Variants in RBFOX1 observed in about 807,000 individuals in gnomAD.
The protein encoded by RBFOX1 is RNA binding protein fox-1 homolog 1.
A neutral mutation model predicts 57.7 loss-of-function variants in RBFOX1; 8 were observed. The ratio of observed to expected loss-of-function variants is 0.14; its 90% CI spans 0.08 to 0.25. The LOEUF is 0.25. Ranked by LOEUF, RBFOX1 falls within the 10% of genes least tolerant of loss-of-function variation. The pLI is 1.00. For missense variants in RBFOX1, 611 were observed against 548.5 expected (o/e 1.11, Z -1.14); for synonymous variants, 326 against 222.4 (o/e 1.47, Z -4.15).
intron 3 of RBFOX1, among the ~76,000 whole-genome samples, chr16:6,941,982 A>T (rs1233717440): frequency 6.6e-6 from 1 of 152,120 alleles, no homozygotes; most frequent in African/African-American, 2.4e-5. Flanking sequence ...TAATCCCAGC[A>T]CTTTACCAGG....
chr16:5,802,786 T>C (rs566730173), intron 3 of RBFOX1, among the ~76,000 whole-genome samples: 1 of 152,326 alleles, frequency 6.6e-6, no homozygotes, highest in East Asian at 1.9e-4. Context: ...TTCACTTATA[T>C]ATTGGTTCAT....
At chr16:7,672,250 C>G (rs145976787) in intron 13 of RBFOX1, among the ~76,000 whole-genome samples, 2 of 152,194 alleles carry the variant, frequency 1.3e-5, no homozygotes, top group Admixed American at 1.3e-4. Flanking sequence ...TGGAATGTGG[C>G]TGGCCTAGAG....
chr16:6,037,158 T>G (rs1210783844), intron 1 of RBFOX1: 1 of 152,170 alleles, frequency 6.6e-6, no homozygotes, highest in African/African-American at 2.4e-5. Flanking sequence ...GTCCAATTAT[T>G]TAGAAATTAT....
intron 11 of RBFOX1, among the ~76,000 whole-genome samples, chr16:7,642,131 C>G (rs762603582): frequency 4.6e-5 from 7 of 152,040 alleles, no homozygotes; most frequent in African/African-American, 1.7e-4. Flanking sequence ...ACCAAAGAAG[C>G]GGGTTTGGAT....
intron 1 of RBFOX1, among the ~76,000 whole-genome samples, chr16:6,081,513 C>G (rs1597112085): frequency 6.6e-6 from 1 of 152,054 alleles, no homozygotes; most frequent in East Asian, 1.9e-4. Context: ...ATTGTAGGGA[C>G]CAAGTGGTTT....
chr16:5,604,064 G>A (rs777776395), downstream of RBFOX1, among the ~76,000 whole-genome samples: 2 of 152,102 alleles, frequency 1.3e-5, no homozygotes, highest in African/African-American at 4.8e-5. Flanking sequence ...AATCAATGGT[G>A]TCACTCTCCC....
At chr16:6,855,898 A>C (rs1224422723) in intron 3 of RBFOX1, among the ~76,000 whole-genome samples, 19 of 115,206 alleles carry the variant, frequency 1.6e-4, no homozygotes, top group East Asian at 8.6e-4. Context: ...CTCCCTCCTT[A>C]CCTCCCTTCT....
chr16:5,447,716 T>C (rs1441885994), intron 1 of RBFOX1, among the ~76,000 whole-genome samples: 1 of 152,372 alleles, frequency 6.6e-6, no homozygotes, highest in East Asian at 1.9e-4. Context: ...CTTTCTAGAC[T>C]GTGTGGCCTC....
chr16:6,950,639 A>G (rs2080528983), intron 3 of RBFOX1, among the ~76,000 whole-genome samples: 1 of 152,158 alleles, frequency 6.6e-6, no homozygotes, highest in Non-Finnish European at 1.5e-5. Context: ...TAGAAGCTCT[A>G]AATCTCTCTC....
At chr16:5,887,033 A>G (rs1043828409) in intron 4 of RBFOX1, among the ~76,000 whole-genome samples, 3 of 152,126 alleles carry the variant, frequency 2.0e-5, no homozygotes, top group Non-Finnish European at 4.4e-5. Flanking sequence ...AATGTTTACC[A>G]TCATTCCCGG....
intron 3 of RBFOX1, among the ~76,000 whole-genome samples, chr16:6,790,451 C>G (rs1280262154): frequency 6.6e-6 from 1 of 152,148 alleles, no homozygotes; most frequent in Non-Finnish European, 1.5e-5. Context: ...TCCCAAAGTG[C>G]TGGGAATACA....
chr16:6,256,261 A>ATATATATGTATATATATGTG (rs1567788821), intron 1 of RBFOX1, among the ~76,000 whole-genome samples: 2 of 105,078 alleles, frequency 1.9e-5, no homozygotes, highest in African/African-American at 7.9e-5. Flanking sequence ...ATATATGTGT[A>ATATATATGTATATATATGTG]TATATATATG....
At chr16:7,508,798 T>C (rs1170373002) in intron 4 of RBFOX1, among the ~76,000 whole-genome samples, 1 of 152,182 alleles carries the variant, frequency 6.6e-6, no homozygotes, top group Non-Finnish European at 1.5e-5. Context: ...TCCTCTGTTA[T>C]ACAATTTAAT....
At chr16:7,578,513 A>G (rs888200911) in intron 5 of RBFOX1, among the ~76,000 whole-genome samples, 20 of 152,184 alleles carry the variant, frequency 1.3e-4, no homozygotes, top group African/African-American at 4.8e-4. Context: ...GAAACTTGCT[A>G]ATTATGCCCA....
chr16:6,923,747 A>G (rs988822978), intron 3 of RBFOX1, among the ~76,000 whole-genome samples: 5 of 152,128 alleles, frequency 3.3e-5, no homozygotes, highest in African/African-American at 9.7e-5. Context: ...AGGAACACAG[A>G]TATCAAAGCT....
chr16:5,980,400 G>A (rs9927875), intron 4 of RBFOX1, among the ~76,000 whole-genome samples: 37,726 of 151,912 alleles, frequency 0.25, 6,213 homozygotes, highest in African/African-American at 0.46. Flanking sequence ...TGCAGATAGC[G>A]TCAGTGGGAT....
intron 2 of RBFOX1, among the ~76,000 whole-genome samples, chr16:6,592,413 A>G (rs1479596826): frequency 6.6e-6 from 1 of 152,222 alleles, no homozygotes; most frequent in Non-Finnish European, 1.5e-5. Flanking sequence ...TTCATAATAC[A>G]GGAACAAGAG....
At chr16:5,696,099 T>C (rs545428566) in intron 3 of RBFOX1, among the ~76,000 whole-genome samples, 3 of 152,164 alleles carry the variant, frequency 2.0e-5, no homozygotes, top group African/African-American at 7.2e-5. Context: ...GAGAAGAATA[T>C]AGTGAACCTC....
intron 4 of RBFOX1, among the ~76,000 whole-genome samples, chr16:7,083,274 G>C (rs563116858): frequency 1.2e-4 from 18 of 151,902 alleles, no homozygotes; most frequent in Admixed American, 3.9e-4. Flanking sequence ...TGATTAATGG[G>C]AAACAGCTGT....
Sources: gnomAD v4.1 joint callset for allele counts (sites outside exome capture counted in the v4.1 genomes callset) on GRCh38, gnomAD v4.1.1 for gene constraint, MANE v1.5 for transcripts, NCBI Gene and HGNC (gene_info 2026-07-23, HGNC 2026-07-21) for gene names.